The following PPP1R12A variants were observed in gnomAD, a reference collection of about 807,000 sequenced individuals.
PPP1R12A encodes the protein protein phosphatase 1 regulatory subunit 12A.
In PPP1R12A, 19 loss-of-function variants were observed where a neutral mutation model predicts 139.6. The observed-to-expected ratio is 0.14, with a 90% confidence interval of 0.09 to 0.20. The LOEUF (loss-of-function observed/expected upper bound fraction) is 0.20. Ranked by LOEUF, PPP1R12A falls within the 10% of genes least tolerant of loss-of-function variation. The pLI is 1.00. For synonymous variants in PPP1R12A, 427 were observed against 420.6 expected (o/e 1.02, Z -0.19); for missense variants, 925 against 1,211.5 (o/e 0.76, Z 3.51).
At chr12:79,835,468 T>A (rs914513144) in intron 3 of PPP1R12A, among the ~76,000 whole-genome samples, 1 of 152,118 alleles carries the variant, frequency 6.6e-6, no homozygotes, top group African/African-American at 2.4e-5. Flanking sequence ...TAATACACCA[T>A]CCTATTAGTT....
intron 3 of PPP1R12A, among the ~76,000 whole-genome samples, chr12:79,836,747 G>A (rs1009500597): frequency 2.0e-5 from 3 of 152,260 alleles, no homozygotes; most frequent in Non-Finnish European, 4.4e-5. Context: ...TAGGAGACTT[G>A]CTTTCTAAGT....
chr12:79,890,929 A>ACACC (rs1341237694), intron 1 of PPP1R12A, among the ~76,000 whole-genome samples: 1 of 148,716 alleles, frequency 6.7e-6, no homozygotes, highest in Non-Finnish European at 1.5e-5. Context: ...ACACACACAC[A>ACACC]CACACACACA....
At position 79,934,866 on chromosome 12, in the gene PPP1R12A, C is replaced by G; in HGVS notation, c.66G>C (p.Thr22=). The change falls in exon 1 of 25, where the codon ACG becomes ACC. Residue 22 remains threonine (T), a synonymous_variant. Coordinates refer to ENST00000450142, the MANE Select transcript of PPP1R12A (RefSeq NM_002480.3). The part of the protein sequence containing the change: ...EQLKRWIGSE[T]DLEPPVVKRQ... ...GCTTCACCACCGGAGGCTCGAGGTC[C>G]GTCTCGGAGCCGATCCAGCGTTTCA... The G allele has an allele frequency of 4.3e-6, 7 of 1,611,302 alleles. No individual in the cohort carries two copies. Among genetic ancestry groups the G allele is most frequent in the Non-Finnish European group, 5.9e-6 (7 of 1,178,918 alleles).
At chr12:79,818,866 A>G (rs1473201356) in intron 8 of PPP1R12A, 1 of 152,232 alleles carries the variant, frequency 6.6e-6, no homozygotes, top group Admixed American at 6.5e-5. Flanking sequence ...ATAACCTTAC[A>G]AAAAGTAGAA....
At chr12:79,830,361 T>G (rs1159990312) in intron 4 of PPP1R12A, among the ~76,000 whole-genome samples, 1 of 152,224 alleles carries the variant, frequency 6.6e-6, no homozygotes, top group African/African-American at 2.4e-5. Context: ...TAAGGAGATT[T>G]CTCATTCTTG....
chr12:79,874,861 G>A (rs1882952075), intron 1 of PPP1R12A, among the ~76,000 whole-genome samples: 1 of 152,076 alleles, frequency 6.6e-6, no homozygotes, highest in African/African-American at 2.4e-5. Context: ...CCACAATAGG[G>A]ACCTTACTAT....
intron 1 of PPP1R12A, among the ~76,000 whole-genome samples, chr12:79,898,233 T>C (rs1392273768): frequency 2.0e-5 from 3 of 152,168 alleles, no homozygotes; most frequent in South Asian, 2.1e-4. Flanking sequence ...GCGGACTGCC[T>C]GAGCTCAGGA....
intron 19 of PPP1R12A, 119 bp downstream of exon 19, chr12:79,793,744 C>T: frequency 1.4e-6 from 1 of 697,116 alleles, no homozygotes; most frequent in South Asian, 1.9e-5. Context: ...ATTGCATACC[C>T]AGCATGTAGG....
At chr12:79,870,155 A>G (rs1018485631) in intron 2 of PPP1R12A, among the ~76,000 whole-genome samples, 1 of 151,996 alleles carries the variant, frequency 6.6e-6, no homozygotes, top group Admixed American at 6.6e-5. Flanking sequence ...CTTAAGTGCA[A>G]TGGTGCTATC....
intron 1 of PPP1R12A, among the ~76,000 whole-genome samples, chr12:79,931,191 G>A (rs1888227091): frequency 6.6e-6 from 1 of 152,148 alleles, no homozygotes; most frequent in African/African-American, 2.4e-5. Context: ...TTGCAACTAT[G>A]AAAATCTATA....
intron 1 of PPP1R12A, among the ~76,000 whole-genome samples, chr12:79,889,165 T>G (rs1884373949): frequency 6.6e-6 from 1 of 152,178 alleles, no homozygotes; most frequent in Non-Finnish European, 1.5e-5. Context: ...TGTGATATAT[T>G]TTGTGTGTGT....
At chr12:79,909,884 T>TAG (rs1203160853) in intron 1 of PPP1R12A, among the ~76,000 whole-genome samples, 3 of 152,002 alleles carry the variant, frequency 2.0e-5, no homozygotes, top group Admixed American at 6.6e-5. Flanking sequence ...TGTATTTTTG[T>TAG]AGAGAGAGAG....
intron 1 of PPP1R12A, among the ~76,000 whole-genome samples, chr12:79,881,874 G>T (rs1883670885): frequency 6.6e-6 from 1 of 152,080 alleles, no homozygotes; most frequent in South Asian, 2.1e-4. Flanking sequence ...AAAAATCCTA[G>T]GTCCCTTATG....
At chr12:79,831,369 G>A (rs1032990429) in intron 4 of PPP1R12A, among the ~76,000 whole-genome samples, 2 of 152,118 alleles carry the variant, frequency 1.3e-5, no homozygotes, top group African/African-American at 4.8e-5. Flanking sequence ...GATCACTTGA[G>A]CCCAGGAGTT....
upstream of PPP1R12A, chr12:79,935,111 C>A: frequency 1.5e-6 from 2 of 1,369,304 alleles, no homozygotes; most frequent in Non-Finnish European, 1.9e-6. Context: ...GCGGCGCACC[C>A]GGCCGAGCGG....
chr12:79,920,990 A>G (rs1273799669), intron 1 of PPP1R12A, among the ~76,000 whole-genome samples: 1 of 152,224 alleles, frequency 6.6e-6, no homozygotes, highest in Non-Finnish European at 1.5e-5. Context: ...GTGAACTAGT[A>G]TCTCATTGTG....
At chr12:79,865,614 A>G (rs1414949768) in intron 2 of PPP1R12A, among the ~76,000 whole-genome samples, 2 of 152,346 alleles carry the variant, frequency 1.3e-5, no homozygotes, top group South Asian at 2.1e-4. Context: ...AAGCAACTTC[A>G]GCAAATTCTC....
chr12:79,775,388 G>T lies in PPP1R12A; in HGVS notation c.*541C>A, dbSNP rs963085140. On this transcript the variant is annotated 3_prime_UTR_variant, in exon 25 of 25. Coordinates refer to ENST00000450142, the MANE Select transcript of PPP1R12A (RefSeq NM_002480.3). ...AAGTGTTCTTTTCTGTAATGAAAAA[G>T]CTGTGAAAACATAGAAGACTCTGCC... The T allele has an allele frequency of 3.3e-5, 5 of 152,298 alleles. No individual in the cohort carries two copies. Among genetic ancestry groups the T allele is most frequent in the Non-Finnish European group, 7.4e-5 (5 of 68,004 alleles). The allele number at this position is 152,298 out of a possible 1,614,324, so 9.4% of individuals were successfully genotyped here.
rs1167922846 is a variant in PPP1R12A, at chr12:79,835,813, C to CTAGA, written c.488-3326_488-3323dup. ...TACCATCATCTAGTGTTCTAACCAT[C>CTAGA]TAGACCTCCACATAGGTCCCCAAGT... On this transcript the variant is annotated intron_variant, in intron 3 of 24. Coordinates refer to ENST00000450142, the MANE Select transcript of PPP1R12A (RefSeq NM_002480.3). 2.6e-5 allele frequency among the ~76,000 whole-genome samples: 4 copies of CTAGA among 152,284 alleles called. No individual in the cohort carries two copies. The South Asian group carries it at 6.2e-4, about 24-fold the overall frequency.
Sources: gnomAD v4.1 joint callset for allele counts (sites outside exome capture counted in the v4.1 genomes callset) on GRCh38, gnomAD v4.1.1 for gene constraint, MANE v1.5 for transcripts, NCBI Gene and HGNC (gene_info 2026-07-23, HGNC 2026-07-21) for gene names.